Variants in SPTBN1 observed in about 807,000 individuals in gnomAD.
The protein encoded by SPTBN1 is spectrin beta chain, non-erythrocytic 1.
A neutral mutation model predicts 266.4 loss-of-function variants in SPTBN1; 32 were observed. That is an observed-to-expected ratio of 0.12 (90% CI 0.09 to 0.16). The LOEUF is 0.16. Among genes scored for constraint, SPTBN1 ranks in the 10% least tolerant of loss-of-function variants. The pLI is 1.00. For synonymous variants in SPTBN1, 1,336 were observed against 1,162.2 expected, an observed-to-expected ratio of 1.15 and a Z score of -3.04; for missense variants, 2,296 against 3,067.1, an observed-to-expected ratio of 0.75 and a Z score of 5.94.
chr2:54,597,685 G>A (rs925153012), intron 2 of SPTBN1, among the ~76,000 whole-genome samples: 1 of 152,122 alleles, frequency 6.6e-6, no homozygotes, highest in Non-Finnish European at 1.5e-5. Flanking sequence ...GGTGGAGTGA[G>A]TTTAGCAAAG....
chr2:54,501,094 T>C (rs1391321103), intron 1 of SPTBN1, among the ~76,000 whole-genome samples: 2 of 152,118 alleles, frequency 1.3e-5, no homozygotes, highest in Non-Finnish European at 2.9e-5. Context: ...CTCGTGATCT[T>C]CTCTCGGGGC....
chr2:54,615,466 G>A (rs979525632), intron 4 of SPTBN1, among the ~76,000 whole-genome samples: 1 of 152,182 alleles, frequency 6.6e-6, no homozygotes, highest in Non-Finnish European at 1.5e-5. Context: ...TACGTAGCTG[G>A]CAGTTGGCGC....
intron 1 of SPTBN1, chr2:54,520,242 A>C (rs1239424180): frequency 6.6e-6 from 1 of 152,214 alleles, no homozygotes; most frequent in Non-Finnish European, 1.5e-5. Flanking sequence ...AAGTAAGAGA[A>C]CAGGTAAAGT....
At chr2:54,557,276 CATATTGGGATCCCTGAGGAATGAA>C (rs903117066) in intron 2 of SPTBN1, among the ~76,000 whole-genome samples, 1 of 152,098 alleles carries the variant, frequency 6.6e-6, no homozygotes, top group African/African-American at 2.4e-5. Flanking sequence ...GTCTTTACTA[CATATTGGGATCCCTGAGGAATGAA>C]ATTACCTTCT....
chr2:54,535,150 A>G (rs1301067710), intron 2 of SPTBN1: 1 of 152,218 alleles, frequency 6.6e-6, no homozygotes, highest in East Asian at 1.9e-4. Flanking sequence ...TGTGTAAGCA[A>G]AAGAGGAAAA....
At position 54,628,458 on chromosome 2, in the gene SPTBN1, G is replaced by C; in HGVS notation, c.1798+208G>C. ...ACATCCTTTCCTTAAATACGCAAAT[G>C]CTGCCTTTGCTTTGAGTGGCTTGGT... On this transcript the variant is annotated intron_variant, in intron 13 of 35. Transcript: ENST00000356805. The surrounding 1 kb of genome is among the most constrained non-coding windows in gnomAD (Gnocchi z 4.3). Among the ~76,000 whole-genome samples, 1 of 152,142 alleles carries C rather than the reference G, an allele frequency of 6.6e-6. No individual in the cohort carries two copies. The highest frequency in any genetic ancestry group is 1.5e-5 in the Non-Finnish European group (1 of 68,046).
At chr2:54,651,336 G>A (rs143887583) in intron 26 of SPTBN1, among the ~76,000 whole-genome samples, 7 of 151,758 alleles carry the variant, frequency 4.6e-5, no homozygotes, top group African/African-American at 1.5e-4. Context: ...CTCGTCCCTC[G>A]AGTCTGATAG....
At chr2:54,568,763 A>T (rs934377019) in intron 2 of SPTBN1, among the ~76,000 whole-genome samples, 1 of 152,242 alleles carries the variant, frequency 6.6e-6, no homozygotes, top group South Asian at 2.1e-4. Flanking sequence ...ATTATTCCAG[A>T]ATTTCAGCAT....
intron 26 of SPTBN1, chr2:54,652,440 C>G (rs1014094026): frequency 3.9e-5 from 6 of 152,304 alleles, no homozygotes; most frequent in Admixed American, 1.3e-4. Context: ...CATGGCTGCA[C>G]AGGAGTCTCC....
At chr2:54,573,036 C>G (rs1185094984) in intron 2 of SPTBN1, among the ~76,000 whole-genome samples, 1 of 152,172 alleles carries the variant, frequency 6.6e-6, no homozygotes, top group Non-Finnish European at 1.5e-5. Flanking sequence ...CTCATCTCAG[C>G]CATTGTTGTC....
intron 1 of SPTBN1, among the ~76,000 whole-genome samples, chr2:54,457,034 C>G (rs1693076261): frequency 6.6e-6 from 1 of 151,658 alleles, no homozygotes; most frequent in African/African-American, 2.4e-5. Context: ...CTGCGCGTAG[C>G]GGTGCAGGGG....
Position 54,645,933 on chromosome 2 carries a change from G to T in SPTBN1, c.4500G>T (p.Trp1500Cys). 6.2e-7 allele frequency: 1 copy of T among 1,614,146 alleles called. No individual in the cohort carries two copies. The highest frequency in any genetic ancestry group is 8.5e-7 in the Non-Finnish European group (1 of 1,180,032). Residue 1500 changes from tryptophan (W) to cysteine (C), a missense_variant, in exon 22 of 36, where the codon TGG becomes TGT. Physicochemically the swap from Trp to Cys is radical, Grantham distance 215 (BLOSUM62 -2). This residue lies in a region of SPTBN1 where 644 missense variants were observed against 745.3 expected (regional missense o/e 0.86). Coordinates refer to ENST00000356805, the MANE Select transcript of SPTBN1 (RefSeq NM_003128.3). The surrounding 1 kb of genome is among the most constrained non-coding windows in gnomAD (Gnocchi z 4.3). Reference sequence around the variant, plus strand: ...TTATTTAAAATTCTTCCCAGTTGTGGGTTGGAGAGAGGATGCCTTTGGCAA... The same window carrying T: ...TTATTTAAAATTCTTCCCAGTTGTGTGTTGGAGAGAGGATGCCTTTGGCAA... ...FNRDVEDEIL[W>C]VGERMPLATS...
chr2:54,511,519 A>G (rs1262993672), intron 1 of SPTBN1, among the ~76,000 whole-genome samples: 2 of 152,184 alleles, frequency 1.3e-5, no homozygotes, highest in Non-Finnish European at 1.5e-5. Flanking sequence ...GGATGATTGA[A>G]GCACATTACT....
At chr2:54,582,503 G>T (rs568234012) in intron 2 of SPTBN1, among the ~76,000 whole-genome samples, 27 of 150,954 alleles carry the variant, frequency 1.8e-4, no homozygotes, top group Admixed American at 1.6e-3. Context: ...GGCGGAGCTT[G>T]CAGTGAGCCG....
At chr2:54,657,060 A>G (rs184242718) in intron 29 of SPTBN1, among the ~76,000 whole-genome samples, 28 of 152,338 alleles carry the variant, frequency 1.8e-4, no homozygotes, top group Admixed American at 2.6e-4. Context: ...TTTTACCTCA[A>G]TGATCCCAGG....
intron 1 of SPTBN1, among the ~76,000 whole-genome samples, chr2:54,515,158 C>A (rs1670050374): frequency 6.6e-6 from 1 of 152,048 alleles, no homozygotes; most frequent in Non-Finnish European, 1.5e-5. Context: ...TGGCCCCCAC[C>A]CAGGACTGAC....
intron 1 of SPTBN1, among the ~76,000 whole-genome samples, chr2:54,504,563 T>A (rs1669453605): frequency 6.6e-6 from 1 of 152,204 alleles, no homozygotes; most frequent in African/African-American, 2.4e-5. Flanking sequence ...TAAGGTGATG[T>A]GTAGGCGTTG....
Position 54,646,063 on chromosome 2 carries a change from C to T in SPTBN1, c.4584+46C>T. The T allele has an allele frequency of 6.2e-7, 1 of 1,612,660 alleles. No homozygotes were observed. Among genetic ancestry groups the T allele is most frequent in the Non-Finnish European group, 8.5e-7 (1 of 1,178,864 alleles). On this transcript the variant is annotated intron_variant, in intron 22 of 35. Coordinates refer to ENST00000356805, the MANE Select transcript of SPTBN1 (RefSeq NM_003128.3). The surrounding 1 kb of genome is among the most constrained non-coding windows in gnomAD (Gnocchi z 4.4). ...TAGTTCTGTCTGATAAATAATTGCT[C>T]TAAATTATGAGACTGGGAATGGCAG...
At chr2:54,528,342 T>C (rs1670959325) in intron 2 of SPTBN1, 3 of 152,648 alleles carry the variant, frequency 2.0e-5, no homozygotes, top group Admixed American at 2.0e-4. Context: ...TTCCTTGTTC[T>C]TTGCATGTGG....
Sources: gnomAD v4.1 joint callset for allele counts (sites outside exome capture counted in the v4.1 genomes callset) on GRCh38, gnomAD v4.1.1 for gene constraint, gnomAD v4.1.1 regional missense constraint, Gnocchi (gnomAD v3.1) non-coding constraint, MANE v1.5 for transcripts, NCBI Gene and HGNC (gene_info 2026-07-23, HGNC 2026-07-21) for gene names.